LMNTD1: variants seen among roughly 807,000 people sequenced by gnomAD.
LMNTD1 encodes lamin tail domain containing 1, also known as lamin tail domain-containing protein 1.
LMNTD1 carries 35 observed loss-of-function variants against 50.9 expected under a neutral mutation model. The ratio of observed to expected loss-of-function variants is 0.69; its 90% CI spans 0.53 to 0.91. The LOEUF (loss-of-function observed/expected upper bound fraction) is 0.91, where lower values mean the gene tolerates loss of function less well. Ranked by LOEUF, LMNTD1 falls within the 40% of genes least tolerant of loss-of-function variation. The probability of loss-of-function intolerance (pLI) is 0.00; values close to 1 mark genes in which losing one functional copy is unlikely to be tolerated. For missense variants in LMNTD1, 470 were observed against 475.5 expected (o/e 0.99, Z 0.11); for synonymous variants, 153 against 161.9 (o/e 0.94, Z 0.42).
chr12:25,498,023 A>G (rs1011302349), intron 9 of LMNTD1, among the ~76,000 whole-genome samples: 6 of 152,184 alleles, frequency 3.9e-5, no homozygotes, highest in African/African-American at 1.4e-4. Flanking sequence ...AGTATGCACC[A>G]TATCTTCCTG....
intron 9 of LMNTD1, among the ~76,000 whole-genome samples, chr12:25,479,905 C>T (rs1366530962): frequency 6.6e-6 from 1 of 152,154 alleles, no homozygotes; most frequent in African/African-American, 2.4e-5. Flanking sequence ...TCAGCAGTGG[C>T]CGTAGCCATG....
At chr12:25,587,712 C>G (rs190745063) in intron 1 of LMNTD1, among the ~76,000 whole-genome samples, 1 of 152,316 alleles carries the variant, frequency 6.6e-6, no homozygotes, top group Admixed American at 6.5e-5. Context: ...AACTACGAAT[C>G]CATTGAAGAA....
chr12:25,481,865 TCA>T (rs138084240), intron 9 of LMNTD1, among the ~76,000 whole-genome samples: 19,880 of 132,450 alleles, frequency 0.15, 1,483 homozygotes, highest in Middle Eastern at 0.19. Context: ...TATTGCCTCT[TCA>T]CACACACACA....
upstream of LMNTD1, among the ~76,000 whole-genome samples, chr12:25,554,520 C>T (rs1161037575): frequency 6.6e-6 from 1 of 152,144 alleles, no homozygotes; most frequent in African/African-American, 2.4e-5. Context: ...AACCAATTTC[C>T]TCTTTTGTTG....
chr12:25,506,219 TTTTA>T (rs1486229587), intron 8 of LMNTD1, among the ~76,000 whole-genome samples: 1 of 152,248 alleles, frequency 6.6e-6, no homozygotes, highest in Non-Finnish European at 1.5e-5. Context: ...TATGTTCTGC[TTTTA>T]TTTATTTTCT....
At chr12:25,553,369 T>C, upstream of LMNTD1, 3 of 691,032 alleles carry the variant, frequency 4.3e-6, no homozygotes, top group East Asian at 1.1e-4. Context: ...GAACAATTCC[T>C]ATGTTGATGC....
upstream of LMNTD1, among the ~76,000 whole-genome samples, chr12:25,557,679 C>A (rs189200842): frequency 1.4e-3 from 215 of 152,200 alleles, no homozygotes; most frequent in African/African-American, 5.0e-3. Context: ...TAAAAAAATA[C>A]AAACCAATAC....
intron 1 of LMNTD1, among the ~76,000 whole-genome samples, chr12:25,559,838 T>C (rs1278225809): frequency 1.3e-5 from 2 of 152,262 alleles, no homozygotes; most frequent in Non-Finnish European, 2.9e-5. Flanking sequence ...ACTGCATAAA[T>C]GTCTTCTTTT....
chr12:25,533,131 C>T (rs1191900834), intron 4 of LMNTD1, among the ~76,000 whole-genome samples: 1 of 152,060 alleles, frequency 6.6e-6, no homozygotes, highest in Non-Finnish European at 1.5e-5. Flanking sequence ...CAACATTGTC[C>T]ATATCAGAGC....
intron 9 of LMNTD1, among the ~76,000 whole-genome samples, chr12:25,502,062 A>C (rs1428920975): frequency 6.6e-6 from 1 of 152,240 alleles, no homozygotes; most frequent in African/African-American, 2.4e-5. Context: ...AAAGCTACCA[A>C]AGAATATGCC....
intron 6 of LMNTD1, among the ~76,000 whole-genome samples, chr12:25,525,816 A>G (rs551669239): frequency 6.6e-6 from 1 of 152,280 alleles, no homozygotes; most frequent in Admixed American, 6.5e-5. Context: ...TATACGTACC[A>G]TGGAATACCA....
chr12:25,570,245 A>G (rs1411725804), intron 1 of LMNTD1, among the ~76,000 whole-genome samples: 1 of 152,234 alleles, frequency 6.6e-6, no homozygotes, highest in Non-Finnish European at 1.5e-5. Context: ...AGCTGCGAAT[A>G]AAAAATAAAT....
chr12:25,519,587 C>CCAAAAAAAAA (rs1491323848), intron 7 of LMNTD1, among the ~76,000 whole-genome samples: 1 of 94,716 alleles, frequency 1.1e-5, no homozygotes, highest in African/African-American at 5.0e-5. Context: ...GACTCTGTCT[C>CCAAAAAAAAA]AAAAAAAAAA....
At chr12:25,502,244 GTA>G (rs1386638842) in intron 9 of LMNTD1, among the ~76,000 whole-genome samples, 8 of 149,132 alleles carry the variant, frequency 5.4e-5, no homozygotes, top group Non-Finnish European at 3.0e-5. Context: ...CTTTTTTTTT[GTA>G]TACAATAAAA....
At chr12:25,635,777 TA>T (rs1946819977) in intron 1 of LMNTD1, among the ~76,000 whole-genome samples, 1 of 152,126 alleles carries the variant, frequency 6.6e-6, no homozygotes, top group South Asian at 2.1e-4. Flanking sequence ...GGTACTGGTA[TA>T]AAAACAGGCA....
intron 6 of LMNTD1, among the ~76,000 whole-genome samples, chr12:25,524,596 A>G (rs540752175): frequency 6.6e-6 from 1 of 152,290 alleles, no homozygotes; most frequent in East Asian, 1.9e-4. Context: ...AGCAATGCAC[A>G]TACAAAGTAG....
intron 1 of LMNTD1, among the ~76,000 whole-genome samples, chr12:25,586,386 C>T (rs954835572): frequency 3.9e-5 from 6 of 152,132 alleles, no homozygotes; most frequent in African/African-American, 1.2e-4. Flanking sequence ...TACCTTCATG[C>T]AGCCCTTGTT....
intron 9 of LMNTD1, among the ~76,000 whole-genome samples, chr12:25,489,119 T>A (rs927540103): frequency 7.9e-5 from 12 of 152,054 alleles, no homozygotes; most frequent in East Asian, 1.9e-4. Context: ...GAGCCTACAG[T>A]GGCAGGCAGG....
At chr12:25,517,707 GAATAATAATAATAATAATAATAATAAT>G (rs71851020) in intron 8 of LMNTD1, among the ~76,000 whole-genome samples, 2 of 139,200 alleles carry the variant, frequency 1.4e-5, no homozygotes, top group African/African-American at 5.4e-5. Flanking sequence ...TAAAGTGTAA[GAATAATAATAATAATAATAATAATAAT>G]AATAATAATA....
Sources: gnomAD v4.1 joint callset for allele counts (sites outside exome capture counted in the v4.1 genomes callset) on GRCh38, gnomAD v4.1.1 for gene constraint, MANE v1.5 for transcripts, NCBI Gene and HGNC (gene_info 2026-07-23, HGNC 2026-07-21) for gene names.